SLIT2: variants seen among roughly 807,000 people sequenced by gnomAD.
SLIT2 encodes the protein slit homolog 2 protein.
SLIT2 carries 41 observed loss-of-function variants against 185.7 expected under a neutral mutation model. The observed-to-expected ratio is 0.22, with a 90% confidence interval of 0.17 to 0.29. The LOEUF is 0.29. SLIT2 is among the 10% of genes least tolerant of loss of function. The pLI is 1.00. For synonymous variants in SLIT2, 693 were observed against 680.2 expected (o/e 1.02, Z -0.29); for missense variants, 1,571 against 1,909.0 (o/e 0.82, Z 3.30).
chr4:20,343,875 G>A (rs925328321), intron 4 of SLIT2, among the ~76,000 whole-genome samples: 2 of 150,462 alleles, frequency 1.3e-5, no homozygotes, highest in Non-Finnish European at 3.0e-5. Context: ...TTTTTGAGAT[G>A]GAGTCTCGCT....
chr4:20,542,453 A>G, intron 20 of SLIT2, 41 bp from the exon 21 acceptor site: 2 of 1,608,606 alleles, frequency 1.2e-6, no homozygotes, highest in Admixed American at 1.7e-5. Context: ...CACCTTCAAG[A>G]CCACAAATCT....
At chr4:20,448,468 G>A (rs1712075579) in intron 4 of SLIT2, among the ~76,000 whole-genome samples, 1 of 151,900 alleles carries the variant, frequency 6.6e-6, no homozygotes, top group African/African-American at 2.4e-5. Context: ...TTACCAACAT[G>A]AGCAACTACA....
intron 19 of SLIT2, among the ~76,000 whole-genome samples, chr4:20,541,106 C>T (rs1470592490): frequency 1.3e-5 from 2 of 152,126 alleles, no homozygotes; most frequent in Admixed American, 1.3e-4. Context: ...AGTTTGACAG[C>T]AAGTCAGATT....
At chr4:20,514,750 A>G (rs1363632020) in intron 11 of SLIT2, among the ~76,000 whole-genome samples, 1 of 147,572 alleles carries the variant, frequency 6.8e-6, no homozygotes, top group Non-Finnish European at 1.5e-5. Context: ...CTCTCCTACT[A>G]AGAAATCCTA....
At chr4:20,476,336 C>T (rs1014306599) in intron 5 of SLIT2, among the ~76,000 whole-genome samples, 1 of 151,986 alleles carries the variant, frequency 6.6e-6, no homozygotes, top group Non-Finnish European at 1.5e-5. Context: ...GGTTTCTTTA[C>T]AATAGTGAAA....
chr4:20,605,706 ATTTTATATTTTATTT>A (rs1178124022), intron 33 of SLIT2, among the ~76,000 whole-genome samples: 45 of 145,432 alleles, frequency 3.1e-4, no homozygotes, highest in Non-Finnish European at 6.2e-4. Flanking sequence ...CTTTTATTTT[ATTTTATATTTTATTT>A]TATTTTATTT....
intron 8 of SLIT2, 150 bp downstream of exon 8, chr4:20,489,132 A>G: frequency 2.0e-6 from 1 of 497,962 alleles, no homozygotes; most frequent in Non-Finnish European, 3.4e-6. Flanking sequence ...TTTTCAGTGA[A>G]AATATGTTCT....
Position 20,619,015 on chromosome 4 carries a change from C to T in SLIT2, c.*6C>T. 1 of 1,604,532 alleles carries T rather than the reference C, an allele frequency of 6.2e-7. No homozygotes were observed. Among genetic ancestry groups the T allele is most frequent in the Non-Finnish European group, 8.5e-7 (1 of 1,171,806 alleles). On this transcript the variant is annotated 3_prime_UTR_variant, in exon 37 of 37. Transcript: ENST00000504154. ...GTACGAGGTGTGTGTCCTAAACACA[C>T]TCCCGGCAGCTCTGTCTTTGGAAAA...
At chr4:20,440,014 G>T (rs1365601963) in intron 4 of SLIT2, among the ~76,000 whole-genome samples, 2 of 152,134 alleles carry the variant, frequency 1.3e-5, no homozygotes, top group Non-Finnish European at 2.9e-5. Flanking sequence ...GCCTTCTAAT[G>T]AAATAGTTAC....
At chr4:20,461,355 G>A (rs762789730) in intron 4 of SLIT2, among the ~76,000 whole-genome samples, 2 of 152,160 alleles carry the variant, frequency 1.3e-5, no homozygotes, top group Non-Finnish European at 2.9e-5. Flanking sequence ...GTAACCCTAA[G>A]GAGGCCAATG....
chr4:20,502,765 C>T (rs1278284130), intron 9 of SLIT2, among the ~76,000 whole-genome samples: 2 of 151,802 alleles, frequency 1.3e-5, no homozygotes, highest in Non-Finnish European at 2.9e-5. Flanking sequence ...GTCCCGATGG[C>T]GATAGAATAT....
chr4:20,282,231 AAG>A (rs1714844247), intron 4 of SLIT2, among the ~76,000 whole-genome samples: 1 of 152,248 alleles, frequency 6.6e-6, no homozygotes, highest in African/African-American at 2.4e-5. Context: ...CTAATTTAAA[AAG>A]AGAAAAGTGG....
intron 32 of SLIT2, among the ~76,000 whole-genome samples, chr4:20,597,299 C>G (rs1728063670): frequency 6.6e-6 from 1 of 152,072 alleles, no homozygotes. Flanking sequence ...AACTCCTAAC[C>G]TCATGTGATC....
chr4:20,449,467 G>A (rs1712221549), intron 4 of SLIT2, among the ~76,000 whole-genome samples: 1 of 152,108 alleles, frequency 6.6e-6, no homozygotes, highest in Non-Finnish European at 1.5e-5. Flanking sequence ...GGAGTGCAGT[G>A]GTGCAATCTC....
rs150116278 is a variant in SLIT2 at position 20,403,698 on chromosome 4, C to T, written c.396-64054C>T. 2.4e-3 allele frequency among the ~76,000 whole-genome samples: 371 copies of T among 151,942 alleles called. 3 individuals carry two copies. Among genetic ancestry groups the T allele is most frequent in the Middle Eastern group, 0.01 (3 of 294 alleles). The stretch of plus-strand genomic sequence containing the variant: ...AGGAATGACTCTATTAGGCAAGAGT[C>T]GACTGTGTTTTTGATACAAATGAAT... On this transcript the variant is annotated intron_variant, in intron 4 of 36. Transcript: ENST00000504154.
chr4:20,279,406 T>G (rs1220740288), intron 4 of SLIT2, among the ~76,000 whole-genome samples: 8 of 152,208 alleles, frequency 5.3e-5, no homozygotes. Flanking sequence ...TCTGGACTTC[T>G]TTCTTTCCTC....
chr4:20,498,406 T>C (rs1470233430), intron 9 of SLIT2, among the ~76,000 whole-genome samples: 2 of 152,182 alleles, frequency 1.3e-5, no homozygotes, highest in African/African-American at 2.4e-5. Context: ...CATGATCTGG[T>C]CTATGGCAAC....
intron 34 of SLIT2, among the ~76,000 whole-genome samples, chr4:20,613,250 C>T (rs1173133606): frequency 6.6e-6 from 1 of 152,134 alleles, no homozygotes; most frequent in African/African-American, 2.4e-5. Context: ...ATGGAATCAA[C>T]CTAAATGCCC....
intron 4 of SLIT2, among the ~76,000 whole-genome samples, chr4:20,429,962 A>G (rs977556017): frequency 1.3e-5 from 2 of 152,204 alleles, no homozygotes; most frequent in Non-Finnish European, 2.9e-5. Context: ...AAATAAGGAT[A>G]ACAAATTATA....
Sources: gnomAD v4.1 joint callset for allele counts (sites outside exome capture counted in the v4.1 genomes callset) on GRCh38, gnomAD v4.1.1 for gene constraint, MANE v1.5 for transcripts, NCBI Gene and HGNC (gene_info 2026-07-23, HGNC 2026-07-21) for gene names.